The following MITF variants were observed in gnomAD, a reference collection of about 807,000 sequenced individuals.
MITF encodes melanocyte inducing transcription factor, also known as microphthalmia-associated transcription factor.
MITF carries 17 observed loss-of-function variants against 60.5 expected under a neutral mutation model. The ratio of observed to expected loss-of-function variants is 0.28; its 90% CI spans 0.19 to 0.42. The LOEUF is 0.42. Ranked by LOEUF, MITF falls within the 10% of genes least tolerant of loss-of-function variation. MITF has a pLI of 1.00. For missense variants in MITF, 622 were observed against 683.5 expected (o/e 0.91, Z 1.00); for synonymous variants, 260 against 248.5 (o/e 1.05, Z -0.43).
intron 2 of MITF, among the ~76,000 whole-genome samples, chr3:69,922,326 A>T (rs887359176): frequency 5.9e-5 from 9 of 151,948 alleles, no homozygotes; most frequent in Non-Finnish European, 1.3e-4. Flanking sequence ...GGTTCAGGTG[A>T]TTCTCCTGCC....
At chr3:69,860,168 T>A (rs1448752312) in intron 1 of MITF, among the ~76,000 whole-genome samples, 1 of 152,188 alleles carries the variant, frequency 6.6e-6, no homozygotes, top group Non-Finnish European at 1.5e-5. Context: ...CTACATAACC[T>A]TTAATGCAGG....
intron 1 of MITF, among the ~76,000 whole-genome samples, chr3:69,766,726 T>G (rs1302159266): frequency 1.3e-5 from 2 of 152,114 alleles, no homozygotes; most frequent in Non-Finnish European, 2.9e-5. Context: ...CAGGGATAAG[T>G]ATGTGGGATT....
chr3:69,934,801 A>G (rs188876614), intron 2 of MITF, among the ~76,000 whole-genome samples: 50 of 152,330 alleles, frequency 3.3e-4, no homozygotes, highest in Admixed American at 1.2e-3. Context: ...GAATGTAAAT[A>G]TGAAGATTAT....
At chr3:69,772,401 T>C in intron 1 of MITF, among the ~76,000 whole-genome samples, 1 of 152,236 alleles carries the variant, frequency 6.6e-6, no homozygotes, top group Non-Finnish European at 1.5e-5. Flanking sequence ...CAGAAAGTTT[T>C]TGGAGTCTAG....
At position 69,824,582 on chromosome 3, in the gene MITF, C is replaced by T. The variant is rs537062738; in HGVS notation, c.105-54552C>T. On this transcript the variant is annotated intron_variant, in intron 1 of 9. Coordinates refer to ENST00000352241, the MANE Select transcript of MITF (RefSeq NM_001354604.2). The stretch of plus-strand genomic sequence containing the variant: ...TTCTTAAATCTGGCGTGCATTCTCA[C>T]GTGGCTTCTGCAGCATCCATGGCTT... Among the ~76,000 whole-genome samples the T allele has an allele frequency of 2.4e-4, 37 of 152,280 alleles. 1 individual carries two copies. The highest frequency in any genetic ancestry group is 1.9e-3 in the South Asian group (9 of 4,820).
intron 2 of MITF, among the ~76,000 whole-genome samples, chr3:69,915,244 T>C (rs2065308396): frequency 6.6e-6 from 1 of 152,156 alleles, no homozygotes; most frequent in Non-Finnish European, 1.5e-5. Flanking sequence ...TAGAGAAAAA[T>C]GTTAGAATCT....
At chr3:69,918,526 T>C (rs1174669362) in intron 2 of MITF, among the ~76,000 whole-genome samples, 1 of 152,208 alleles carries the variant, frequency 6.6e-6, no homozygotes, top group Non-Finnish European at 1.5e-5. Flanking sequence ...TAGCAGTGCA[T>C]TGATTACCTC....
intron 2 of MITF, among the ~76,000 whole-genome samples, chr3:69,917,330 T>C (rs970438873): frequency 2.0e-5 from 3 of 151,952 alleles, no homozygotes; most frequent in Non-Finnish European, 4.4e-5. Flanking sequence ...ATCCCTGACT[T>C]TGAAATATGA....
chr3:69,875,879 G>A (rs368487587), intron 1 of MITF, among the ~76,000 whole-genome samples: 7 of 152,180 alleles, frequency 4.6e-5, no homozygotes, highest in Non-Finnish European at 7.3e-5. Flanking sequence ...GAAATATCCC[G>A]CAGGGAGTGT....
rs574101203 is a variant in MITF at position 69,961,188 on chromosome 3, G to C, written c.1179+1768G>C. ...TCACAAGATCAGGAGTTCAAGACCA[G>C]CCTGGCCAAGATGTTGAAGCCCCAT... On this transcript the variant is annotated intron_variant, in intron 9 of 9. Coordinates refer to ENST00000352241, the MANE Select transcript of MITF (RefSeq NM_001354604.2). Among the ~76,000 whole-genome samples, 50 of 152,120 alleles carry C rather than the reference G, an allele frequency of 3.3e-4. No homozygotes were observed. In the South Asian group the frequency reaches 1.0e-2, roughly 30 times the overall value.
chr3:69,813,246 A>C (rs947206397), intron 1 of MITF, among the ~76,000 whole-genome samples: 4 of 152,334 alleles, frequency 2.6e-5, no homozygotes, highest in African/African-American at 9.6e-5. Context: ...GGGAAGATAA[A>C]GTAAAATCAA....
chr3:69,960,837 G>A (rs1358821107), intron 9 of MITF, among the ~76,000 whole-genome samples: 1 of 152,132 alleles, frequency 6.6e-6, no homozygotes, highest in Non-Finnish European at 1.5e-5. Context: ...TCTTCTGAAT[G>A]CTTATATTTT....
chr3:69,862,020 AACAG>A (rs1468057750), intron 1 of MITF, among the ~76,000 whole-genome samples: 1 of 151,646 alleles, frequency 6.6e-6, no homozygotes, highest in African/African-American at 2.4e-5. Flanking sequence ...TGCCACTCTT[AACAG>A]ACCATTTACA....
chr3:69,921,912 C>T (rs550582371), intron 2 of MITF, among the ~76,000 whole-genome samples: 7 of 152,260 alleles, frequency 4.6e-5, no homozygotes, highest in South Asian at 2.1e-4. Flanking sequence ...TTAGCATCAC[C>T]GCTGGACTCT....
chr3:69,753,729 T>C (rs1388225908), intron 1 of MITF, among the ~76,000 whole-genome samples: 1 of 152,244 alleles, frequency 6.6e-6, no homozygotes, highest in East Asian at 1.9e-4. Context: ...CCTGCTGGGT[T>C]TTGGACTTGC....
chr3:69,947,893 TTTG>T, intron 5 of MITF, among the ~76,000 whole-genome samples: 1 of 152,148 alleles, frequency 6.6e-6, no homozygotes, highest in East Asian at 1.9e-4. Context: ...CGACTTGTAT[TTTG>T]TGGTATATTT....
chr3:69,922,286 A>G (rs1207068739), intron 2 of MITF, among the ~76,000 whole-genome samples: 1 of 152,136 alleles, frequency 6.6e-6, no homozygotes, highest in Non-Finnish European at 1.5e-5. Flanking sequence ...CGGTGGCACA[A>G]TCTCAGCTCA....
intron 2 of MITF, chr3:69,937,247 T>G (rs1576002844): frequency 6.1e-6 from 1 of 165,208 alleles, no homozygotes; most frequent in Admixed American, 5.8e-5. Context: ...TTAATTACAA[T>G]GTTGAATAAT....
intron 1 of MITF, among the ~76,000 whole-genome samples, chr3:69,842,344 G>A (rs1030665109): frequency 4.6e-5 from 7 of 152,168 alleles, no homozygotes; most frequent in African/African-American, 1.7e-4. Flanking sequence ...AATAAACACA[G>A]TAGACAGATT....
Sources: gnomAD v4.1 joint callset for allele counts (sites outside exome capture counted in the v4.1 genomes callset) on GRCh38, gnomAD v4.1.1 for gene constraint, MANE v1.5 for transcripts, NCBI Gene and HGNC (gene_info 2026-07-23, HGNC 2026-07-21) for gene names.